Variants in FNBP1 observed in about 807,000 individuals in gnomAD.
FNBP1 encodes the protein formin-binding protein 1.
A neutral mutation model predicts 90.6 loss-of-function variants in FNBP1; 26 were observed. The ratio of observed to expected loss-of-function variants is 0.29; its 90% CI spans 0.21 to 0.40. The LOEUF (loss-of-function observed/expected upper bound fraction) is 0.40, where lower values mean the gene tolerates loss of function less well. Ranked by LOEUF, FNBP1 falls within the 10% of genes least tolerant of loss-of-function variation. The probability of loss-of-function intolerance (pLI) is 1.00; values close to 1 mark genes in which losing one functional copy is unlikely to be tolerated. For missense variants in FNBP1, 635 were observed against 768.0 expected (o/e 0.83, Z 2.05); for synonymous variants, 260 against 265.2 (o/e 0.98, Z 0.19).
upstream of FNBP1, among the ~76,000 whole-genome samples, chr9:130,046,222 G>A (rs1487407988): frequency 6.6e-6 from 1 of 152,044 alleles, no homozygotes; most frequent in Non-Finnish European, 1.5e-5. Flanking sequence ...AGATGGGACT[G>A]GTCACCATAA....
intron 6 of FNBP1, among the ~76,000 whole-genome samples, chr9:129,940,070 G>A (rs2044100743): frequency 6.6e-6 from 1 of 151,912 alleles, no homozygotes; most frequent in East Asian, 1.9e-4. Flanking sequence ...GCATGGTGGT[G>A]TACAGCTGTA....
chr9:130,045,169 C>A (rs1221965246), upstream of FNBP1: 1 of 152,044 alleles, frequency 6.6e-6, no homozygotes, highest in Non-Finnish European at 1.5e-5. Context: ...TCTCAGTTAC[C>A]AGGTCTGAAT....
chr9:130,011,773 GAATA>G (rs1333855744), intron 1 of FNBP1, among the ~76,000 whole-genome samples: 5 of 152,206 alleles, frequency 3.3e-5, no homozygotes, highest in African/African-American at 1.2e-4. Flanking sequence ...AAGAAAAACA[GAATA>G]AATATAGAAA....
chr9:130,012,386 TTCA>T (rs758363834), intron 1 of FNBP1, among the ~76,000 whole-genome samples: 3 of 152,140 alleles, frequency 2.0e-5, no homozygotes, highest in South Asian at 4.2e-4. Context: ...TGCTATCATT[TTCA>T]TCATCATCAT....
chr9:129,905,294 G>GTATATATATATA (rs56217495), intron 12 of FNBP1, among the ~76,000 whole-genome samples: 18,254 of 131,716 alleles, frequency 0.14, 1,763 homozygotes, highest in East Asian at 0.46. Flanking sequence ...GTGTGTGTGT[G>GTATATATATATA]TATATATATA....
chr9:129,998,810 A>C (rs2417199), intron 1 of FNBP1, among the ~76,000 whole-genome samples: 5,546 of 152,292 alleles, frequency 0.036, 183 homozygotes, highest in African/African-American at 0.086. Flanking sequence ...TACTGGCCTC[A>C]ATCCAACAAT....
At position 129,966,087 on chromosome 9, in the gene FNBP1, T is replaced by C. The variant is rs1039124894; in HGVS notation, c.346-7534A>G. Among the ~76,000 whole-genome samples the C allele has an allele frequency of 7.9e-5, 12 of 152,128 alleles. No individual in the cohort carries two copies. Among genetic ancestry groups the C allele is most frequent in the Non-Finnish European group, 2.9e-5 (2 of 68,016 alleles). On this transcript the variant is annotated intron_variant, in intron 4 of 16. Coordinates refer to ENST00000446176, the MANE Select transcript of FNBP1 (RefSeq NM_015033.3). This position sits in a 1 kb window ranked among gnomAD's most constrained non-coding sequence, Gnocchi z 4.3. ...TGTGTAAACAAAACAAAGTCCCCTG[T>C]CCCAGTGAAACTGAGTGGATCCAGA... is the stretch of plus-strand genomic sequence containing the variant.
chr9:129,898,443 C>T (rs1025139041), intron 15 of FNBP1, among the ~76,000 whole-genome samples: 3 of 152,130 alleles, frequency 2.0e-5, no homozygotes, highest in Non-Finnish European at 4.4e-5. Context: ...CTCATTCTCC[C>T]CTGTCCTCCC....
At chr9:129,965,236 C>T (rs1236465729) in intron 4 of FNBP1, among the ~76,000 whole-genome samples, 2 of 152,232 alleles carry the variant, frequency 1.3e-5, no homozygotes, top group African/African-American at 2.4e-5. Flanking sequence ...AAACCAGAAA[C>T]GTTCACTAAG....
chr9:129,915,064 A>T, intron 11 of FNBP1: 1 of 231,002 alleles, frequency 4.3e-6, no homozygotes, highest in South Asian at 5.1e-5. Flanking sequence ...AATAATTCTA[A>T]AAAGGCTTAG....
chr9:130,008,799 C>T (rs1320704401), intron 1 of FNBP1, among the ~76,000 whole-genome samples: 2 of 152,288 alleles, frequency 1.3e-5, no homozygotes, highest in East Asian at 1.9e-4. Flanking sequence ...CTGCATTCTT[C>T]TCAGCCCTGG....
intron 1 of FNBP1, among the ~76,000 whole-genome samples, chr9:130,001,266 A>G (rs888895910): frequency 2.0e-5 from 3 of 147,834 alleles, no homozygotes; most frequent in Non-Finnish European, 4.5e-5. Flanking sequence ...CGGGAGGCGG[A>G]GGTTGCAATG....
chr9:130,002,236 A>G (rs1454495102), intron 1 of FNBP1, among the ~76,000 whole-genome samples: 1 of 152,184 alleles, frequency 6.6e-6, no homozygotes, highest in Non-Finnish European at 1.5e-5. Context: ...CACATTCTAA[A>G]CATTAAGAAA....
At chr9:130,044,014 CA>C (rs1404377329), upstream of FNBP1, among the ~76,000 whole-genome samples, 1 of 152,330 alleles carries the variant, frequency 6.6e-6, no homozygotes, top group African/African-American at 2.4e-5. Flanking sequence ...CGGTGAGGAT[CA>C]GGGGTGGGCC....
intron 4 of FNBP1, among the ~76,000 whole-genome samples, chr9:129,965,687 C>CAT (rs2048444337): frequency 1.4e-4 from 1 of 7,076 alleles, no homozygotes; most frequent in Non-Finnish European, 3.6e-3. Context: ...TCTTAAAACA[C>CAT]ACACACACAC....
rs1465754287 is a variant in FNBP1 at position 129,887,577 on chromosome 9, T to C, written c.*2962A>G. ...CAATGACGGATGTTACCAAAAGGCA[T>C]CGAGACCTTTGCGCTGCGCTGGTTA... On this transcript the variant is annotated 3_prime_UTR_variant, in exon 17 of 17. Transcript: ENST00000446176. The C allele has an allele frequency of 9.3e-6, 2 of 214,994 alleles. No individual in the cohort carries two copies. Among genetic ancestry groups the C allele is most frequent in the African/African-American group, 2.3e-5 (1 of 44,310 alleles). The allele number at this position is 214,994 out of a possible 1,614,324, so 13.3% of individuals were successfully genotyped here.
At chr9:129,928,303 T>G (rs904340749) in intron 7 of FNBP1, among the ~76,000 whole-genome samples, 3 of 152,230 alleles carry the variant, frequency 2.0e-5, no homozygotes, top group African/African-American at 7.2e-5. Context: ...TATAGTTAAG[T>G]TGGCATTTTT....
intron 6 of FNBP1, among the ~76,000 whole-genome samples, chr9:129,956,950 T>G (rs1408801305): frequency 6.6e-6 from 1 of 152,064 alleles, no homozygotes; most frequent in Non-Finnish European, 1.5e-5. Flanking sequence ...TAGCGCCTTT[T>G]GTGGCTACAT....
the FNBP1 span, chr9:130,053,725 AAGTCTGC>A: frequency 3.4e-6 from 2 of 582,380 alleles, no homozygotes; most frequent in Non-Finnish European, 6.1e-6. Flanking sequence ...CTCTAACTGA[AAGTCTGC>A]ACAGGAGCGG....
Sources: gnomAD v4.1 joint callset for allele counts (sites outside exome capture counted in the v4.1 genomes callset) on GRCh38, gnomAD v4.1.1 for gene constraint, Gnocchi (gnomAD v3.1) non-coding constraint, MANE v1.5 for transcripts, NCBI Gene and HGNC (gene_info 2026-07-23, HGNC 2026-07-21) for gene names.